Variants in RIT2 observed in about 807,000 individuals in gnomAD.
RIT2 encodes the protein GTP-binding protein Rit2.
In RIT2, 24 loss-of-function variants were observed where a neutral mutation model predicts 23.7. The ratio of observed to expected loss-of-function variants is 1.01; its 90% confidence interval spans 0.73 to 1.43. The LOEUF (loss-of-function observed/expected upper bound fraction) is 1.43, where lower values mean the gene tolerates loss of function less well. Among genes scored for constraint, RIT2 ranks in the 40% most tolerant of loss-of-function variants. RIT2 has a pLI of 0.00. For synonymous variants in RIT2, 107 were observed against 91.1 expected (o/e 1.17, Z -0.99); for missense variants, 236 against 266.9 (o/e 0.88, Z 0.81).
At chr18:42,828,003 C>CAAAAA (rs200737336) in intron 4 of RIT2, among the ~76,000 whole-genome samples, 22 of 51,716 alleles carry the variant, frequency 4.3e-4, no homozygotes, top group South Asian at 9.7e-4. Flanking sequence ...GACTCCGTCT[C>CAAAAA]AAAAAAAAAA....
Position 42,814,009 on chromosome 18 carries a change from G to A in RIT2, c.427-70289C>T, listed in dbSNP as rs1905923517. Among the ~76,000 whole-genome samples the A allele has an allele frequency of 2.6e-5, 4 of 152,098 alleles. No individual in the cohort carries two copies. In the South Asian group the frequency reaches 8.3e-4, roughly 31 times the overall value. On this transcript the variant is annotated intron_variant, in intron 4 of 4. Coordinates refer to ENST00000326695, the MANE Select transcript of RIT2 (RefSeq NM_002930.4). ...AGATTCTAACCCTACCTGGAGCTGA[G>A]TCAATTGAGAGAGCTGAGTGAAATA...
chr18:42,913,974 C>A (rs77454762), intron 4 of RIT2, among the ~76,000 whole-genome samples: 1,759 of 152,052 alleles, frequency 0.012, 35 homozygotes, highest in African/African-American at 0.039. Context: ...TATAATTTTA[C>A]TTGTCAATTA....
chr18:42,882,556 G>C (rs1907922871), intron 4 of RIT2, among the ~76,000 whole-genome samples: 1 of 152,126 alleles, frequency 6.6e-6, no homozygotes, highest in African/African-American at 2.4e-5. Flanking sequence ...AAATGACTGG[G>C]TAATTCAGTC....
At chr18:43,084,880 C>T (rs1446187153) in intron 1 of RIT2, among the ~76,000 whole-genome samples, 6 of 152,082 alleles carry the variant, frequency 3.9e-5, no homozygotes, top group Non-Finnish European at 5.9e-5. Context: ...ACATATATCC[C>T]TTAAAGTATA....
At chr18:42,810,824 A>T (rs996293280) in intron 4 of RIT2, among the ~76,000 whole-genome samples, 2 of 151,884 alleles carry the variant, frequency 1.3e-5, no homozygotes, top group Non-Finnish European at 2.9e-5. Flanking sequence ...CAAAATCTAA[A>T]CTTTTTATTT....
intron 3 of RIT2, among the ~76,000 whole-genome samples, chr18:42,954,941 T>C (rs1355796102): frequency 6.6e-6 from 1 of 152,194 alleles, no homozygotes; most frequent in Non-Finnish European, 1.5e-5. Flanking sequence ...TATGTTTGCT[T>C]AACAATACTT....
intron 2 of RIT2, among the ~76,000 whole-genome samples, chr18:43,026,257 T>C (rs931777954): frequency 6.6e-6 from 1 of 151,846 alleles, no homozygotes; most frequent in Non-Finnish European, 1.5e-5. Context: ...GAGATTACCT[T>C]AGAGATAAGA....
chr18:43,041,633 A>AT (rs1210975079), intron 1 of RIT2, among the ~76,000 whole-genome samples: 3 of 152,168 alleles, frequency 2.0e-5, no homozygotes, highest in African/African-American at 7.2e-5. Context: ...AAAAACAATC[A>AT]TTTTTTAAAG....
chr18:42,783,729 A>C lies in RIT2; in HGVS notation c.427-40009T>G, dbSNP rs150067329. On this transcript the variant is annotated intron_variant, in intron 4 of 4. Transcript: ENST00000326695. Reference sequence around the variant, plus strand: ...AACATTTAATAGCTCATTTTCCCTGAGTTTCTCAATCAGGTAAGTACCATA... The same window carrying C: ...AACATTTAATAGCTCATTTTCCCTGCGTTTCTCAATCAGGTAAGTACCATA... Among the ~76,000 whole-genome samples, 17 of 152,148 alleles carry C rather than the reference A, an allele frequency of 1.1e-4. No homozygotes were observed. The East Asian group carries it at 2.7e-3, about 24-fold the overall frequency.
intron 4 of RIT2, among the ~76,000 whole-genome samples, chr18:42,771,073 C>T (rs1476596727): frequency 6.6e-6 from 1 of 152,158 alleles, no homozygotes; most frequent in African/African-American, 2.4e-5. Context: ...TCAAGACTAT[C>T]TCCCACTTTG....
intron 4 of RIT2, among the ~76,000 whole-genome samples, chr18:42,778,369 TTC>T (rs1913726421): frequency 6.6e-6 from 1 of 152,222 alleles, no homozygotes; most frequent in African/African-American, 2.4e-5. Flanking sequence ...CATCATTTTT[TTC>T]TCTTTTTTAA....
chr18:43,109,959 G>C (rs1022159781), intron 1 of RIT2, among the ~76,000 whole-genome samples: 1 of 152,078 alleles, frequency 6.6e-6, no homozygotes, highest in African/African-American at 2.4e-5. Flanking sequence ...AAACAATTTA[G>C]ATGTAGAAAG....
At chr18:43,013,726 C>A (rs1911406599) in intron 2 of RIT2, among the ~76,000 whole-genome samples, 1 of 151,680 alleles carries the variant, frequency 6.6e-6, no homozygotes, top group African/African-American at 2.4e-5. Context: ...TAACTCGCTG[C>A]AATTTTCGGT....
intron 4 of RIT2, among the ~76,000 whole-genome samples, chr18:42,805,530 T>A (rs1052565290): frequency 6.6e-6 from 1 of 152,230 alleles, no homozygotes; most frequent in African/African-American, 2.4e-5. Flanking sequence ...TGTCATATAT[T>A]ATATTACATT....
At chr18:43,006,857 C>T (rs1212254878) in intron 2 of RIT2, among the ~76,000 whole-genome samples, 1 of 151,258 alleles carries the variant, frequency 6.6e-6, no homozygotes, top group Non-Finnish European at 1.5e-5. Context: ...TAAAAAGTTA[C>T]ATTGTATACT....
At chr18:42,807,791 ATGTGTGTG>A (rs10551770) in intron 4 of RIT2, among the ~76,000 whole-genome samples, 255 of 147,588 alleles carry the variant, frequency 1.7e-3, no homozygotes, top group Non-Finnish European at 1.7e-3. Flanking sequence ...CACAAAGTGA[ATGTGTGTG>A]TGTGTGTGTG....
intron 4 of RIT2, among the ~76,000 whole-genome samples, chr18:42,770,219 A>C (rs1271389777): frequency 6.6e-6 from 1 of 152,190 alleles, no homozygotes; most frequent in African/African-American, 2.4e-5. Context: ...CTAACATAAC[A>C]CAAATAGTTT....
chr18:43,021,958 T>C (rs933866360), intron 2 of RIT2, among the ~76,000 whole-genome samples: 2 of 152,126 alleles, frequency 1.3e-5, no homozygotes, highest in African/African-American at 4.8e-5. Context: ...CCATTGGGAA[T>C]TTATCCAAAG....
At chr18:42,783,411 G>T (rs544203595) in intron 4 of RIT2, among the ~76,000 whole-genome samples, 4 of 152,100 alleles carry the variant, frequency 2.6e-5, no homozygotes, top group Non-Finnish European at 5.9e-5. Context: ...TACATGAAAT[G>T]TTCCAAATTA....
Sources: allele counts gnomAD v4.1 joint callset (sites outside exome capture counted in the v4.1 genomes callset), GRCh38; gene constraint gnomAD v4.1.1; transcripts MANE v1.5; gene names NCBI Gene and HGNC (gene_info 2026-07-23, HGNC 2026-07-21).